NBAS: variants seen among roughly 807,000 people sequenced by gnomAD.
NBAS encodes the protein NAG/BC035112 fusion.
In NBAS, 219 loss-of-function variants were observed where a neutral mutation model predicts 302.5. The ratio of observed to expected loss-of-function variants is 0.72; its 90% CI spans 0.65 to 0.81. The LOEUF is 0.81. Ranked by LOEUF, NBAS falls within the 30% of genes least tolerant of loss-of-function variation. The pLI is 0.00. For synonymous variants in NBAS, 1,118 were observed against 1,021.6 expected (o/e 1.09, Z -1.80); for missense variants, 2,932 against 2,841.6 (o/e 1.03, Z -0.72).
At chr2:15,355,184 G>A (rs1245348588) in intron 33 of NBAS, among the ~76,000 whole-genome samples, 1 of 152,176 alleles carries the variant, frequency 6.6e-6, no homozygotes, top group East Asian at 1.9e-4. Context: ...ATGAAGTGAA[G>A]CCCTGCATTT....
At chr2:14,911,017 A>T in the NBAS span, among the ~76,000 whole-genome samples, 1 of 152,246 alleles carries the variant, frequency 6.6e-6, no homozygotes, top group African/African-American at 2.4e-5. Flanking sequence ...AGAAAAGTTT[A>T]GCAAAATCAA....
chr2:15,525,904 T>A (rs1662892489), intron 9 of NBAS, among the ~76,000 whole-genome samples: 1 of 152,132 alleles, frequency 6.6e-6, no homozygotes, highest in African/African-American at 2.4e-5. Flanking sequence ...AAGTCTTTGA[T>A]CTGAACCTAA....
At position 15,553,446 on chromosome 2, in the gene NBAS, T is replaced by C; in HGVS notation, c.315A>G (p.Gln105=). 1 of 1,611,432 alleles carries C rather than the reference T, an allele frequency of 6.2e-7. No homozygotes were observed. The highest frequency in any genetic ancestry group is 8.5e-7 in the Non-Finnish European group (1 of 1,177,680). ...ASNGKLLAAV[Q]DQCVEIRSAK... is the part of the protein sequence containing the mutation. ...ATTACCTGATTTCCACACACTGATC[T>C]TGAACAGCAGCCAAAAGCTTTCCAT... is the stretch of plus-strand genomic sequence containing the variant. Residue 105 remains glutamine (Q), a synonymous_variant, in exon 5 of 52, where the codon CAA becomes CAG. Transcript: ENST00000281513.
intron 21 of NBAS, among the ~76,000 whole-genome samples, chr2:15,430,008 AAAAT>A (rs1677682412): frequency 6.6e-6 from 1 of 152,214 alleles, no homozygotes; most frequent in Non-Finnish European, 1.5e-5. Context: ...GAATGAGGAG[AAAAT>A]AAATAAACCT....
the NBAS span, among the ~76,000 whole-genome samples, chr2:14,795,446 T>G: frequency 6.6e-6 from 1 of 151,962 alleles, no homozygotes; most frequent in African/African-American, 2.4e-5. Context: ...GGCTTATTAT[T>G]ATGGAGTTTT....
intron 6 of NBAS, among the ~76,000 whole-genome samples, 171 bp from the exon 7 acceptor site, chr2:15,539,527 C>G (rs926604352): frequency 6.6e-6 from 1 of 152,208 alleles, no homozygotes; most frequent in Non-Finnish European, 1.5e-5. Flanking sequence ...AAACACACTT[C>G]AAGTAAGAGT....
At chr2:14,789,722 C>A in the NBAS span, among the ~76,000 whole-genome samples, 1 of 152,178 alleles carries the variant, frequency 6.6e-6, no homozygotes, top group Admixed American at 6.5e-5. Context: ...TCTCCCTTGG[C>A]CTCTGTGCCT....
At chr2:14,979,479 A>G in the NBAS span, among the ~76,000 whole-genome samples, 1 of 152,198 alleles carries the variant, frequency 6.6e-6, no homozygotes, top group Non-Finnish European at 1.5e-5. Context: ...TCCTCACAAA[A>G]TCTTTGCAGA....
At chr2:15,156,206 T>C in the NBAS span, among the ~76,000 whole-genome samples, 1 of 152,182 alleles carries the variant, frequency 6.6e-6, no homozygotes, top group South Asian at 2.1e-4. Flanking sequence ...TTGTTTGTGC[T>C]GCAGCCAGGA....
At chr2:15,187,142 C>T (rs1251372028) in intron 49 of NBAS, among the ~76,000 whole-genome samples, 1 of 152,128 alleles carries the variant, frequency 6.6e-6, no homozygotes, top group Non-Finnish European at 1.5e-5. Context: ...CAGACTCGGG[C>T]CCAAATTCTG....
chr2:15,417,949 C>T (rs941558876), intron 23 of NBAS, among the ~76,000 whole-genome samples: 2 of 152,090 alleles, frequency 1.3e-5, no homozygotes, highest in Non-Finnish European at 2.9e-5. Flanking sequence ...AGAAAGACAA[C>T]CAACCTATTA....
chr2:15,479,611 A>T (rs549134761), intron 12 of NBAS, among the ~76,000 whole-genome samples: 32 of 152,204 alleles, frequency 2.1e-4, no homozygotes, highest in Non-Finnish European at 3.5e-4. Context: ...TTGACAAGAA[A>T]TCTTAAGGAA....
chr2:14,928,059 T>C, the NBAS span, among the ~76,000 whole-genome samples: 2 of 152,238 alleles, frequency 1.3e-5, no homozygotes, highest in Non-Finnish European at 2.9e-5. Context: ...GTCTTGTTAG[T>C]TTTTCAAGAT....
chr2:14,850,149 T>A, the NBAS span, among the ~76,000 whole-genome samples: 1 of 133,984 alleles, frequency 7.5e-6, no homozygotes, highest in Non-Finnish European at 1.5e-5. Flanking sequence ...GGATAAAGAG[T>A]CAAGACCCAT....
At chr2:15,156,651 G>A in the NBAS span, among the ~76,000 whole-genome samples, 1 of 152,072 alleles carries the variant, frequency 6.6e-6, no homozygotes, top group Non-Finnish European at 1.5e-5. Flanking sequence ...CGTCCCAAAG[G>A]CCCCACCTCT....
At chr2:15,282,142 G>A (rs1220927244) in intron 42 of NBAS, among the ~76,000 whole-genome samples, 1 of 152,060 alleles carries the variant, frequency 6.6e-6, no homozygotes, top group Non-Finnish European at 1.5e-5. Flanking sequence ...TTTTGTTTTA[G>A]TTTTCAATGT....
intron 48 of NBAS, among the ~76,000 whole-genome samples, chr2:15,194,234 C>T (rs951289384): frequency 9.9e-5 from 15 of 152,044 alleles, no homozygotes; most frequent in Admixed American, 2.6e-4. Context: ...AGGACAAACA[C>T]AAAGAAATTC....
In NBAS at chr2:15,473,253, G is replaced by A. The variant is rs779479742; in HGVS notation, c.1694C>T (p.Ala565Val). The A allele has an allele frequency of 2.0e-5, 33 of 1,613,810 alleles. No homozygotes were observed. The highest frequency in any genetic ancestry group is 2.7e-5 in the African/African-American group (2 of 74,892). The change falls in exon 16 of 52, where the codon GCG (alanine) becomes GTG (valine). Residue 565 changes from alanine (A) to valine (V), a missense_variant. Transcript: ENST00000281513. The part of the protein sequence containing the change: ...LVYQRQWRKS[A>V]VNVASIQNYL... ...ATTCTGAATTGAAGCAACGTTGACCGCTGACTTCCTCCACTGCCTCTGATA... is the reference window on the plus strand; with the variant it reads ...ATTCTGAATTGAAGCAACGTTGACCACTGACTTCCTCCACTGCCTCTGATA...
chr2:15,248,092 TAA>T (rs1668188086), intron 44 of NBAS, among the ~76,000 whole-genome samples: 1 of 152,152 alleles, frequency 6.6e-6, no homozygotes, highest in Non-Finnish European at 1.5e-5. Context: ...ATGGAAATCA[TAA>T]CAAACAGTCT....
Sources: gnomAD v4.1 joint callset for allele counts (sites outside exome capture counted in the v4.1 genomes callset) on GRCh38, gnomAD v4.1.1 for gene constraint, MANE v1.5 for transcripts, NCBI Gene and HGNC (gene_info 2026-07-23, HGNC 2026-07-21) for gene names.